Variants in HGSNAT observed in about 807,000 individuals in gnomAD.
HGSNAT encodes the protein heparan-alpha-glucosaminide N-acetyltransferase.
In HGSNAT, 59 loss-of-function variants were observed where a neutral mutation model predicts 85.2. The ratio of observed to expected loss-of-function variants is 0.69; its 90% CI spans 0.56 to 0.86. The LOEUF is 0.86. Ranked by LOEUF, HGSNAT falls within the 40% of genes least tolerant of loss-of-function variation. The pLI is 0.00. For synonymous variants in HGSNAT, 321 were observed against 304.5 expected (o/e 1.05, Z -0.56); for missense variants, 756 against 777.1 (o/e 0.97, Z 0.32).
Position 43,192,317 on chromosome 8 carries a change from C to G in HGSNAT, c.1264C>G (p.Pro422Ala). 6.2e-7 allele frequency: 1 copy of G among 1,608,244 alleles called. No individual in the cohort carries two copies. Among genetic ancestry groups the G allele is most frequent in the Non-Finnish European group, 8.5e-7 (1 of 1,177,688 alleles). Residue 422 changes from proline to alanine, a missense_variant, in exon 13 of 18, where the codon CCT becomes GCT. Coordinates refer to ENST00000379644, the MANE Select transcript of HGSNAT (RefSeq NM_152419.3). ...TCACCTTCCTAGTGGTTATCTTGGT[C>G]CTGGGGGCATTGGAGATTTTGGCAA... is the stretch of plus-strand genomic sequence containing the variant. ...VPGCPTGYLGPGGIGDFGKYP... is the reference protein window; with the variant it reads ...VPGCPTGYLGAGGIGDFGKYP...
intron 10 of HGSNAT, among the ~76,000 whole-genome samples, chr8:43,181,397 A>G (rs963941148): frequency 3.3e-5 from 5 of 152,008 alleles, no homozygotes; most frequent in Non-Finnish European, 5.9e-5. Flanking sequence ...TCTGCTTTGA[A>G]TGAGTATCAG....
chr8:43,180,068 C>A (rs1437068816), intron 10 of HGSNAT, among the ~76,000 whole-genome samples: 1 of 123,140 alleles, frequency 8.1e-6, no homozygotes, highest in Admixed American at 7.4e-5. Flanking sequence ...GGGGCTGACC[C>A]CCCCACCTCC....
rs1391238070 is a variant in HGSNAT, at chr8:43,200,414, G to A, written c.*845G>A. On this transcript the variant is annotated 3_prime_UTR_variant, in exon 18 of 18. Coordinates refer to ENST00000379644, the MANE Select transcript of HGSNAT (RefSeq NM_152419.3). ...TGGCTTCCTCACTTGTGAAATGAGC[G>A]GGAAGATGACTCTCAGTTCCTTCCA... 1 of 152,198 alleles carries A rather than the reference G, an allele frequency of 6.6e-6. No individual in the cohort carries two copies. Among genetic ancestry groups the A allele is most frequent in the Non-Finnish European group, 1.5e-5 (1 of 68,042 alleles). The allele number at this position is 152,198 out of a possible 1,614,324, so 9.4% of individuals were successfully genotyped here. A position where few individuals can be genotyped will look rare whatever the true frequency, so the allele number is the denominator to read the frequency against.
intron 14 of HGSNAT, chr8:43,194,641 C>T (rs1368028339): frequency 2.5e-6 from 1 of 395,638 alleles, no homozygotes; most frequent in Non-Finnish European, 3.4e-6. Flanking sequence ...GCATGTCCTT[C>T]AGGGGGGACA....
At chr8:43,168,492 G>A (rs1803508403) in intron 5 of HGSNAT, among the ~76,000 whole-genome samples, 1 of 149,544 alleles carries the variant, frequency 6.7e-6, no homozygotes, top group Non-Finnish European at 1.5e-5. Flanking sequence ...CGCCTCCTGG[G>A]TTCAAGCAAT....
Position 43,199,700 on chromosome 8 carries a change from A to G in HGSNAT, c.*131A>G. Reference sequence around the variant, plus strand: ...GTGTTTACAGACTCTGGGGGAAGACACTGATGTCCTCAAACTGGTTAACTG... The same window carrying G: ...GTGTTTACAGACTCTGGGGGAAGACGCTGATGTCCTCAAACTGGTTAACTG... On this transcript the variant is annotated 3_prime_UTR_variant, in exon 18 of 18. Transcript: ENST00000379644. 1.7e-6 allele frequency: 1 copy of G among 601,358 alleles called. No individual in the cohort carries two copies. The highest frequency in any genetic ancestry group is 3.1e-5 in the East Asian group (1 of 31,888). The allele number at this position is 601,358 out of a possible 1,614,324, so 37.3% of individuals were successfully genotyped here.
At chr8:43,141,661 C>T (rs967509356) in intron 1 of HGSNAT, among the ~76,000 whole-genome samples, 4 of 151,936 alleles carry the variant, frequency 2.6e-5, no homozygotes, top group African/African-American at 9.7e-5. Flanking sequence ...GGAGTTCAAA[C>T]GACCCCTCCT....
chr8:43,151,491 GAAATT>G (rs1186544048), intron 2 of HGSNAT, among the ~76,000 whole-genome samples: 2 of 152,100 alleles, frequency 1.3e-5, no homozygotes, highest in Non-Finnish European at 2.9e-5. Flanking sequence ...ACGTGTGGCA[GAAATT>G]AAATGAAAAA....
At chr8:43,147,110 G>A (rs1175720254) in intron 2 of HGSNAT, 47 bp downstream of exon 2, 1 of 1,108,832 alleles carries the variant, frequency 9.0e-7, no homozygotes, top group Non-Finnish European at 1.3e-6. Flanking sequence ...GGGCTTGTTT[G>A]ATATGATCCT....
intron 14 of HGSNAT, chr8:43,196,425 C>T: frequency 7.8e-7 from 1 of 1,287,938 alleles, no homozygotes; most frequent in Non-Finnish European, 1.0e-6. Context: ...GGTCCCTCTT[C>T]CTAGTGCTGC....
chr8:43,175,110 A>C (rs1803763989), intron 9 of HGSNAT, among the ~76,000 whole-genome samples: 1 of 152,192 alleles, frequency 6.6e-6, no homozygotes, highest in Non-Finnish European at 1.5e-5. Context: ...TATATACACC[A>C]CATTTTCTTT....
chr8:43,176,429 A>G lies in HGSNAT; in HGVS notation c.852-1645A>G, dbSNP rs142600613. Among the ~76,000 whole-genome samples the G allele has an allele frequency of 1.6e-3, 251 of 152,268 alleles. 2 individuals are homozygous for G. The highest frequency in any genetic ancestry group is 0.011 in the East Asian group (57 of 5,188). On this transcript the variant is annotated intron_variant, in intron 9 of 17. Transcript: ENST00000379644. ...ATGTGTCTGTTTTTATGCCACTACC[A>G]TGCTGTTTTTGTTTCTATAGCTCTG...
At chr8:43,172,093 G>A (rs1327521844) in intron 7 of HGSNAT, among the ~76,000 whole-genome samples, 1 of 152,238 alleles carries the variant, frequency 6.6e-6, no homozygotes, top group Non-Finnish European at 1.5e-5. Context: ...CATGTTGGCA[G>A]TGTTGGCAAT....
intron 4 of HGSNAT, 118 bp from the exon 5 acceptor site, chr8:43,161,320 A>G (rs1803258173): frequency 1.4e-6 from 1 of 721,086 alleles, no homozygotes; most frequent in Non-Finnish European, 2.3e-6. Context: ...GAAATTCAGC[A>G]TGAGAATATA....
At position 43,191,573 on chromosome 8, in the gene HGSNAT, C is replaced by A. The variant is rs367831580; in HGVS notation, c.1228C>A (p.Leu410Met). 125 of 1,613,878 alleles carry A rather than the reference C, an allele frequency of 7.7e-5. No homozygotes were observed. Among genetic ancestry groups the A allele is most frequent in the Non-Finnish European group, 1.0e-4 (118 of 1,179,872 alleles). The change falls in exon 12 of 18, where the codon CTG becomes ATG. Residue 410 changes from leucine (L) to methionine (M), a missense_variant. Physicochemically the swap from Leu to Met is conservative, Grantham distance 15. Coordinates refer to ENST00000379644, the MANE Select transcript of HGSNAT (RefSeq NM_152419.3). The part of the protein sequence containing the change: ...EGLWLGLTFL[L>M]PVPGCPTGYL... Reference sequence around the variant, plus strand: ...CCTGTGGCTGGGCTTGACATTCCTCCTGCCAGTCCCTGGGTGCCCTACGTA... The same window carrying A: ...CCTGTGGCTGGGCTTGACATTCCTCATGCCAGTCCCTGGGTGCCCTACGTA...
intron 6 of HGSNAT, 22 bp downstream of exon 6, chr8:43,169,264 G>GTAT (rs1421617269): frequency 6.9e-7 from 1 of 1,456,952 alleles, no homozygotes; most frequent in Admixed American, 1.9e-5. Context: ...GATGCATAGT[G>GTAT]TATTGCCCAG....
At chr8:43,147,245 C>T (rs150493840) in intron 2 of HGSNAT, among the ~76,000 whole-genome samples, 182 bp downstream of exon 2, 182 of 152,298 alleles carry the variant, frequency 1.2e-3, no homozygotes, top group African/African-American at 4.2e-3. Flanking sequence ...TGCACAGCAT[C>T]TATTTTTATC....
At chr8:43,154,037 A>G (rs1196660392) in intron 2 of HGSNAT, among the ~76,000 whole-genome samples, 1 of 150,460 alleles carries the variant, frequency 6.6e-6, no homozygotes, top group African/African-American at 2.5e-5. Context: ...TGACAAACTG[A>G]TTTTCTTTTC....
intron 14 of HGSNAT, chr8:43,196,486 G>C (rs1359311944): frequency 6.2e-6 from 8 of 1,289,614 alleles, no homozygotes; most frequent in Non-Finnish European, 8.1e-6. Flanking sequence ...TGTCACCTTT[G>C]TGGAGAATTC....
Sources: allele counts gnomAD v4.1 joint callset (sites outside exome capture counted in the v4.1 genomes callset), GRCh38; gene constraint gnomAD v4.1.1; transcripts MANE v1.5; gene names NCBI Gene and HGNC (gene_info 2026-07-23, HGNC 2026-07-21).